The following AGBL4 variants were observed in gnomAD, a reference collection of about 807,000 sequenced individuals.
AGBL4 encodes cytosolic carboxypeptidase 6.
AGBL4 carries 58 observed loss-of-function variants against 66.4 expected under a neutral mutation model. That is an observed-to-expected ratio of 0.87 (90% CI 0.71 to 1.09). The LOEUF (loss-of-function observed/expected upper bound fraction) is 1.09. Among genes scored for constraint, AGBL4 ranks in the 50% least tolerant of loss-of-function variants. The pLI is 0.00. For synonymous variants in AGBL4, 234 were observed against 222.9 expected, an observed-to-expected ratio of 1.05 and a Z score of -0.44; for missense variants, 579 against 631.0, an observed-to-expected ratio of 0.92 and a Z score of 0.88.
chr1:49,689,166 G>A (rs1211391949), intron 3 of AGBL4, among the ~76,000 whole-genome samples: 1 of 152,086 alleles, frequency 6.6e-6, no homozygotes, highest in Non-Finnish European at 1.5e-5. Flanking sequence ...GCCCTGGAGA[G>A]TTTCCTCAAT....
chr1:49,198,558 T>C (rs1247688093), intron 4 of AGBL4, among the ~76,000 whole-genome samples: 1 of 152,060 alleles, frequency 6.6e-6, no homozygotes, highest in East Asian at 1.9e-4. Context: ...CAGGCTGGTC[T>C]AGAACTCCTG....
chr1:49,452,822 T>A (rs1646307725), intron 3 of AGBL4, among the ~76,000 whole-genome samples: 1 of 151,818 alleles, frequency 6.6e-6, no homozygotes, highest in Admixed American at 6.6e-5. Flanking sequence ...CATGCCTTCA[T>A]TCCTTTCCCA....
intron 1 of AGBL4, among the ~76,000 whole-genome samples, chr1:49,952,531 A>G (rs941180771): frequency 2.6e-5 from 4 of 151,968 alleles, no homozygotes; most frequent in African/African-American, 9.7e-5. Flanking sequence ...TAAAATTCTC[A>G]TCCCCACTTT....
chr1:49,296,010 T>C (rs1644637007), intron 3 of AGBL4, among the ~76,000 whole-genome samples: 1 of 152,218 alleles, frequency 6.6e-6, no homozygotes, highest in Non-Finnish European at 1.5e-5. Flanking sequence ...CAACTACAAG[T>C]TGCTGAAATG....
At chr1:49,003,189 AG>A (rs1571204320) in intron 5 of AGBL4, among the ~76,000 whole-genome samples, 2 of 152,162 alleles carry the variant, frequency 1.3e-5, no homozygotes, top group East Asian at 3.9e-4. Flanking sequence ...CCTGACGTCA[AG>A]GGTTCACGAC....
chr1:48,979,637 T>C (rs1659593581), intron 5 of AGBL4, among the ~76,000 whole-genome samples: 1 of 152,078 alleles, frequency 6.6e-6, no homozygotes, highest in Non-Finnish European at 1.5e-5. Context: ...AGTGTTTTTT[T>C]TTAATTTGGG....
chr1:49,391,421 A>G (rs1644842487), intron 3 of AGBL4, among the ~76,000 whole-genome samples: 1 of 152,228 alleles, frequency 6.6e-6, no homozygotes, highest in Admixed American at 6.5e-5. Context: ...ATAGTGATCC[A>G]AAGAGCTAAT....
chr1:48,973,544 G>T (rs1225169212), intron 5 of AGBL4, among the ~76,000 whole-genome samples: 2 of 152,024 alleles, frequency 1.3e-5, no homozygotes, highest in Admixed American at 1.3e-4. Context: ...AATAGAACAG[G>T]GCCTTCCACT....
rs772190757 is a variant in AGBL4, at chr1:50,002,030, AAAG to A, written c.34+21730_34+21732del. On this transcript the variant is annotated intron_variant, in intron 1 of 13. Coordinates refer to ENST00000371839, the MANE Select transcript of AGBL4 (RefSeq NM_032785.4). ...TTTGTTAATAGCCACTGAGATGAAA[AAAG>A]AAGGACTTCACCAGATTCACTGCTA... Among the ~76,000 whole-genome samples the A allele has an allele frequency of 9.8e-4, 149 of 152,164 alleles. 1 individual carries two copies. The highest frequency in any genetic ancestry group is 7.8e-4 in the Non-Finnish European group (53 of 68,026).
At chr1:49,830,283 C>G (rs1645631749) in intron 2 of AGBL4, among the ~76,000 whole-genome samples, 1 of 151,104 alleles carries the variant, frequency 6.6e-6, no homozygotes, top group Admixed American at 6.6e-5. Flanking sequence ...CATGTTATCT[C>G]CTGACTTTTT....
At chr1:49,511,294 T>C (rs1290449415) in intron 3 of AGBL4, among the ~76,000 whole-genome samples, 4 of 151,826 alleles carry the variant, frequency 2.6e-5, no homozygotes, top group Non-Finnish European at 4.4e-5. Context: ...GATGAGTTCA[T>C]GTCCTTTGTA....
At chr1:49,478,317 C>T (rs1426887452) in intron 3 of AGBL4, among the ~76,000 whole-genome samples, 1 of 150,374 alleles carries the variant, frequency 6.7e-6, no homozygotes, top group Non-Finnish European at 1.5e-5. Flanking sequence ...TAAGAGGAGC[C>T]AAAAGAAGAA....
At chr1:48,986,434 A>G (rs1263101203) in intron 5 of AGBL4, among the ~76,000 whole-genome samples, 1 of 152,094 alleles carries the variant, frequency 6.6e-6, no homozygotes, top group Non-Finnish European at 1.5e-5. Context: ...AAACCATGTT[A>G]CATACCGAGA....
chr1:49,124,202 C>G (rs1010018367), intron 4 of AGBL4, among the ~76,000 whole-genome samples: 1 of 152,148 alleles, frequency 6.6e-6, no homozygotes, highest in Non-Finnish European at 1.5e-5. Context: ...AAGCATGTAT[C>G]TGAATACTAT....
At chr1:48,879,272 AGT>A (rs71672631) in intron 5 of AGBL4, among the ~76,000 whole-genome samples, 71 of 147,774 alleles carry the variant, frequency 4.8e-4, no homozygotes, top group African/African-American at 7.4e-4. Flanking sequence ...GAGAGGGGTC[AGT>A]GTGTGTGTGT....
At chr1:49,233,938 C>T (rs771823037) in intron 4 of AGBL4, among the ~76,000 whole-genome samples, 5 of 152,126 alleles carry the variant, frequency 3.3e-5, no homozygotes, top group South Asian at 2.1e-4. Context: ...AAGTGATATA[C>T]GCCACTTTCA....
Position 49,738,426 on chromosome 1 carries a change from GC to G in AGBL4, c.158-40990del, listed in dbSNP as rs1400370278. ...GGCCAGGAAGCTCAAACTGGGTGGA[GC>G]CCACCGCAGCTCAAGGAGGCCTCCC... is the stretch of plus-strand genomic sequence containing the variant. On this transcript the variant is annotated intron_variant, in intron 2 of 13. Transcript: ENST00000371839. 2.0e-5 allele frequency among the ~76,000 whole-genome samples: 3 copies of G among 152,216 alleles called. No individual in the cohort carries two copies. In the East Asian group the frequency reaches 5.8e-4, roughly 29 times the overall value.
chr1:49,708,250 C>A (rs1647361658), intron 2 of AGBL4, among the ~76,000 whole-genome samples: 1 of 151,934 alleles, frequency 6.6e-6, no homozygotes, highest in Admixed American at 6.6e-5. Flanking sequence ...TTTATTCATT[C>A]CTTTTCATTC....
intron 6 of AGBL4, among the ~76,000 whole-genome samples, chr1:48,862,467 G>A (rs774264331): frequency 1.1e-4 from 16 of 152,042 alleles, no homozygotes; most frequent in South Asian, 2.1e-4. Context: ...GACTACAGGC[G>A]CCCGCCACCA....
Sources: gnomAD v4.1 joint callset for allele counts (sites outside exome capture counted in the v4.1 genomes callset) on GRCh38, gnomAD v4.1.1 for gene constraint, MANE v1.5 for transcripts, NCBI Gene and HGNC (gene_info 2026-07-23, HGNC 2026-07-21) for gene names.